Variants in NWD2 observed in about 807,000 individuals in gnomAD.
The protein encoded by NWD2 is NACHT and WD repeat domain-containing protein 2.
Under a neutral mutation model 132.7 loss-of-function variants are expected in NWD2, and 37 were observed. That is an observed-to-expected ratio of 0.28 (90% confidence interval 0.21 to 0.37). The LOEUF (loss-of-function observed/expected upper bound fraction) is 0.37, where lower values mean the gene tolerates loss of function less well. NWD2 is among the 10% of genes least tolerant of loss of function. The pLI is 1.00. For missense variants in NWD2, 1,592 were observed against 2,122.4 expected (o/e 0.75, Z 4.91); for synonymous variants, 705 against 803.0 (o/e 0.88, Z 2.06).
intron 1 of NWD2, among the ~76,000 whole-genome samples, chr4:37,313,683 T>G (rs1042705399): frequency 2.7e-5 from 4 of 150,836 alleles, no homozygotes; most frequent in Non-Finnish European, 4.4e-5. Context: ...GTTGATGAGT[T>G]TTTTGTTTGT....
In NWD2 at chr4:37,439,417, A is replaced by G. The variant is rs540311768; in HGVS notation, c.1296+27A>G. 5.9e-6 allele frequency: 8 copies of G among 1,364,612 alleles called. No homozygotes were observed. In the African/African-American group the frequency reaches 7.3e-5, roughly 12 times the overall value. 84.5% of individuals were successfully genotyped at this position (1,364,612 alleles called of 1,614,324 possible). A position where few individuals can be genotyped will look rare whatever the true frequency, so the allele number is the denominator to read the frequency against. On this transcript the variant is annotated intron_variant, in intron 6 of 6. Coordinates refer to ENST00000309447, the MANE Select transcript of NWD2 (RefSeq NM_001144990.2). This position sits in a 1 kb window ranked among gnomAD's most constrained non-coding sequence, Gnocchi z 4.5. ...TAAAAGCCTATTCTTTCCCGTGTAT[A>G]TTTGTAAAAACTTGTACTTTTGGAA...
At chr4:37,367,262 A>G (rs1362759001) in intron 3 of NWD2, among the ~76,000 whole-genome samples, 1 of 152,200 alleles carries the variant, frequency 6.6e-6, no homozygotes, top group East Asian at 1.9e-4. Flanking sequence ...CACAAGGGAA[A>G]TCTAAAAATA....
intron 4 of NWD2, 26 bp from the exon 5 acceptor site, chr4:37,433,850 A>G: frequency 6.7e-7 from 1 of 1,496,652 alleles, no homozygotes; most frequent in African/African-American, 1.4e-5. Flanking sequence ...TTGTAAGACT[A>G]ATTTCTCCCT....
chr4:37,255,371 G>A (rs893783467), intron 1 of NWD2, among the ~76,000 whole-genome samples: 1 of 152,180 alleles, frequency 6.6e-6, no homozygotes, highest in African/African-American at 2.4e-5. Flanking sequence ...GGGGTGGCCA[G>A]TGGGGAACTG....
chr4:37,424,143 A>G (rs571529618), intron 3 of NWD2, among the ~76,000 whole-genome samples: 1 of 152,240 alleles, frequency 6.6e-6, no homozygotes, highest in Non-Finnish European at 1.5e-5. Context: ...CAAGGCTATA[A>G]CATTGAACAT....
At chr4:37,271,797 C>T (rs1342394488) in intron 1 of NWD2, among the ~76,000 whole-genome samples, 2 of 151,752 alleles carry the variant, frequency 1.3e-5, no homozygotes, top group East Asian at 3.9e-4. Context: ...CTATTCAGTT[C>T]ACCCGATAGA....
chr4:37,424,593 T>G (rs1019391776), intron 3 of NWD2, among the ~76,000 whole-genome samples: 12 of 152,208 alleles, frequency 7.9e-5, no homozygotes, highest in African/African-American at 2.9e-4. Flanking sequence ...ATAGGGCATT[T>G]AAAGAGTATA....
intron 1 of NWD2, among the ~76,000 whole-genome samples, chr4:37,298,844 G>T (rs1187648627): frequency 2.0e-5 from 3 of 152,064 alleles, no homozygotes; most frequent in Non-Finnish European, 4.4e-5. Context: ...GATGAGAGTG[G>T]TAGTACAGCC....
chr4:37,288,007 T>C (rs916207135), intron 1 of NWD2, among the ~76,000 whole-genome samples: 1 of 152,162 alleles, frequency 6.6e-6, no homozygotes, highest in Non-Finnish European at 1.5e-5. Flanking sequence ...CATGTCCTTT[T>C]CAGGGACATG....
intron 1 of NWD2, among the ~76,000 whole-genome samples, chr4:37,281,571 G>C (rs1168061902): frequency 2.6e-5 from 4 of 151,988 alleles, no homozygotes; most frequent in Non-Finnish European, 5.9e-5. Context: ...CTATATATGT[G>C]TTAAATCGTT....
At chr4:37,292,953 G>A (rs116819522) in intron 1 of NWD2, among the ~76,000 whole-genome samples, 4,261 of 152,238 alleles carry the variant, frequency 0.028, 196 homozygotes, top group African/African-American at 0.095. Flanking sequence ...AACAGGCCAC[G>A]GACCAGTACC....
intron 1 of NWD2, among the ~76,000 whole-genome samples, chr4:37,261,011 T>C (rs1560379315): frequency 1.3e-5 from 2 of 152,342 alleles, no homozygotes; most frequent in East Asian, 3.9e-4. Context: ...AGTTACTTAA[T>C]TTATCCAGTC....
intron 2 of NWD2, among the ~76,000 whole-genome samples, chr4:37,352,060 C>T (rs1719779192): frequency 6.6e-6 from 1 of 152,084 alleles, no homozygotes. Context: ...GTTATGATTT[C>T]CATTCTTTTG....
chr4:37,309,196 C>T (rs931864761), intron 1 of NWD2, among the ~76,000 whole-genome samples: 1 of 152,156 alleles, frequency 6.6e-6, no homozygotes, highest in African/African-American at 2.4e-5. Context: ...GTCAGCGTTG[C>T]CAGTGACACT....
intron 1 of NWD2, among the ~76,000 whole-genome samples, chr4:37,299,320 T>G (rs776179791): frequency 6.6e-6 from 1 of 152,158 alleles, no homozygotes; most frequent in Non-Finnish European, 1.5e-5. Flanking sequence ...CCCTTTACTT[T>G]TCTCTTTTCC....
chr4:37,421,477 TA>T, intron 3 of NWD2, among the ~76,000 whole-genome samples: 1 of 152,272 alleles, frequency 6.6e-6, no homozygotes, highest in East Asian at 1.9e-4. Context: ...TTGCAATAAG[TA>T]AAAAGGAGAA....
chr4:37,397,333 C>T (rs1720816168), intron 3 of NWD2, among the ~76,000 whole-genome samples: 1 of 152,110 alleles, frequency 6.6e-6, no homozygotes, highest in East Asian at 1.9e-4. Context: ...GGTCAAATAC[C>T]AGTCTGTATT....
chr4:37,338,401 T>C (rs1871481), intron 2 of NWD2, among the ~76,000 whole-genome samples: 147,145 of 152,318 alleles, frequency 0.97, 71,290 homozygotes, highest in Non-Finnish European at 1. Context: ...GGAAACCAAG[T>C]CTTTTTGAGA....
chr4:37,260,485 G>A (rs7671454), intron 1 of NWD2, among the ~76,000 whole-genome samples: 379 of 152,250 alleles, frequency 2.5e-3, no homozygotes, highest in African/African-American at 8.7e-3. Context: ...GCATCTACTC[G>A]ATTGCCTGAA....
Sources: gnomAD v4.1 joint callset for allele counts (sites outside exome capture counted in the v4.1 genomes callset) on GRCh38, gnomAD v4.1.1 for gene constraint, Gnocchi (gnomAD v3.1) non-coding constraint, MANE v1.5 for transcripts, NCBI Gene and HGNC (gene_info 2026-07-23, HGNC 2026-07-21) for gene names.